The following ARHGAP24 variants were observed in gnomAD, a reference collection of about 807,000 sequenced individuals.
ARHGAP24 encodes the protein rho GTPase-activating protein 24.
A neutral mutation model predicts 76.4 loss-of-function variants in ARHGAP24; 50 were observed. The observed-to-expected ratio is 0.65, with a 90% CI of 0.52 to 0.83. The LOEUF (loss-of-function observed/expected upper bound fraction) is 0.83, where lower values mean the gene tolerates loss of function less well. ARHGAP24 is among the 40% of genes least tolerant of loss of function. The pLI, the probability that ARHGAP24 is intolerant of heterozygous loss-of-function variation, is 0.00. For synonymous variants in ARHGAP24, 345 were observed against 323.3 expected (o/e 1.07, Z -0.72); for missense variants, 930 against 914.2 (o/e 1.02, Z -0.22).
At chr4:85,848,608 G>C (rs1731027679) in intron 3 of ARHGAP24, among the ~76,000 whole-genome samples, 1 of 152,084 alleles carries the variant, frequency 6.6e-6, no homozygotes, top group Non-Finnish European at 1.5e-5. Flanking sequence ...GGTCAATATT[G>C]AGTTAATTTT....
chr4:85,512,316 T>C (rs1353324013), intron 1 of ARHGAP24, among the ~76,000 whole-genome samples: 1 of 152,238 alleles, frequency 6.6e-6, no homozygotes, highest in Admixed American at 6.5e-5. Flanking sequence ...GCCTGGCACA[T>C]AGTAAGTACA....
chr4:85,630,583 C>CAA (rs1388257011), intron 2 of ARHGAP24, among the ~76,000 whole-genome samples: 1 of 152,126 alleles, frequency 6.6e-6, no homozygotes, highest in African/African-American at 2.4e-5. Flanking sequence ...CTGGAGTCTT[C>CAA]AAATGGGCTG....
chr4:85,762,338 T>A (rs948896575), intron 3 of ARHGAP24, among the ~76,000 whole-genome samples: 2 of 152,142 alleles, frequency 1.3e-5, no homozygotes, highest in African/African-American at 4.8e-5. Flanking sequence ...GTACAGAAAA[T>A]CATATGATAC....
intron 2 of ARHGAP24, among the ~76,000 whole-genome samples, chr4:85,712,819 T>C (rs1465174298): frequency 6.6e-6 from 1 of 152,188 alleles, no homozygotes; most frequent in African/African-American, 2.4e-5. Context: ...AAAGTAATAT[T>C]TCCAGGTTTC....
At chr4:85,727,457 C>T (rs1725210967) in intron 3 of ARHGAP24, among the ~76,000 whole-genome samples, 1 of 151,998 alleles carries the variant, frequency 6.6e-6, no homozygotes, top group East Asian at 1.9e-4. Context: ...AAAGCATGTT[C>T]TAAGGCTACA....
chr4:85,795,726 G>A (rs1015395521), intron 3 of ARHGAP24, among the ~76,000 whole-genome samples: 2 of 141,754 alleles, frequency 1.4e-5, no homozygotes, highest in African/African-American at 5.3e-5. Context: ...TTCAGTTAAT[G>A]TAATATGGTA....
chr4:85,953,948 CTGACTGAGAGT>C (rs745716095), intron 5 of ARHGAP24, among the ~76,000 whole-genome samples: 71 of 152,250 alleles, frequency 4.7e-4, no homozygotes, highest in Non-Finnish European at 7.8e-4. Flanking sequence ...AGAGATCACT[CTGACTGAGAGT>C]TGGTTACAGG....
In ARHGAP24 at chr4:85,995,353, A is replaced by G. The variant is rs537865731; in HGVS notation, c.1699A>G (p.Asn567Asp). 6 of 1,614,022 alleles carry G rather than the reference A, an allele frequency of 3.7e-6. No homozygotes were observed. Among genetic ancestry groups the G allele is most frequent in the Non-Finnish European group, 5.1e-6 (6 of 1,180,008 alleles). ...CTCCTGTGAAATCTCCCTCCCTGAG[A>G]ACTCCAACTCCTGTCGCTCTTCTAC... ...TSSCEISLPE[N>D]SNSCRSSTTT... The change falls in exon 9 of 10, where the codon AAC becomes GAC. Residue 567 changes from asparagine (N) to aspartate (D), a missense_variant. Asn to Asp is a conservative substitution (Grantham distance 23). Transcript: ENST00000395184.
At chr4:85,511,122 G>T (rs1233100165) in intron 1 of ARHGAP24, among the ~76,000 whole-genome samples, 1 of 152,114 alleles carries the variant, frequency 6.6e-6, no homozygotes, top group Non-Finnish European at 1.5e-5. Context: ...CAAAAGGATA[G>T]AATTAAGCTA....
At chr4:85,611,843 CCTGT>C (rs781150530) in intron 2 of ARHGAP24, among the ~76,000 whole-genome samples, 4 of 152,154 alleles carry the variant, frequency 2.6e-5, no homozygotes, top group Non-Finnish European at 4.4e-5. Context: ...CAAACTCTAA[CCTGT>C]CTTTCTGTGG....
chr4:85,799,164 C>T (rs931106048), intron 3 of ARHGAP24, among the ~76,000 whole-genome samples: 2 of 152,230 alleles, frequency 1.3e-5, no homozygotes, highest in Middle Eastern at 3.4e-3. Flanking sequence ...GCCCCAGTAA[C>T]AGTGAGCACA....
chr4:85,619,004 C>T (rs1720623039), intron 2 of ARHGAP24, among the ~76,000 whole-genome samples: 1 of 151,994 alleles, frequency 6.6e-6, no homozygotes, highest in South Asian at 2.1e-4. Context: ...GCTTCCCTGC[C>T]TGTGCTTTTG....
intron 3 of ARHGAP24, among the ~76,000 whole-genome samples, chr4:85,867,572 A>G (rs1054166977): frequency 2.6e-5 from 4 of 151,890 alleles, no homozygotes; most frequent in Non-Finnish European, 5.9e-5. Context: ...AATAGCACAA[A>G]TTGTTTGGCT....
chr4:85,497,108 G>A (rs17010260), intron 1 of ARHGAP24, among the ~76,000 whole-genome samples: 2,439 of 152,282 alleles, frequency 0.016, 61 homozygotes, highest in African/African-American at 0.056. Flanking sequence ...CGGTTAAAAC[G>A]ATTAAACTTG....
intron 2 of ARHGAP24, among the ~76,000 whole-genome samples, chr4:85,623,300 C>T (rs1341144058): frequency 6.6e-6 from 1 of 152,122 alleles, no homozygotes; most frequent in Admixed American, 6.5e-5. Context: ...GATCCAGTTT[C>T]AGCTTTCTAC....
chr4:85,833,983 CAT>C (rs969922982), intron 3 of ARHGAP24, among the ~76,000 whole-genome samples: 6 of 152,296 alleles, frequency 3.9e-5, no homozygotes, highest in African/African-American at 1.4e-4. Context: ...TCAGTTTTCA[CAT>C]ATGTAATATT....
chr4:85,986,771 G>A (rs533545206), intron 8 of ARHGAP24, among the ~76,000 whole-genome samples: 5 of 152,108 alleles, frequency 3.3e-5, no homozygotes, highest in Non-Finnish European at 7.4e-5. Flanking sequence ...CAACTTCTGG[G>A]CCTCAAACTG....
At chr4:85,775,002 A>T (rs1727259332) in intron 3 of ARHGAP24, among the ~76,000 whole-genome samples, 1 of 152,178 alleles carries the variant, frequency 6.6e-6, no homozygotes, top group Non-Finnish European at 1.5e-5. Flanking sequence ...ATATATCGTG[A>T]TATCTTTCTG....
rs1036194715 is a variant in ARHGAP24 at position 85,580,925 on chromosome 4, A to G, written c.180+10204A>G. Among the ~76,000 whole-genome samples, 39 of 152,292 alleles carry G rather than the reference A, an allele frequency of 2.6e-4. 1 individual carries two copies. The highest frequency in any genetic ancestry group is 6.8e-3 in the Middle Eastern group (2 of 294). ...TCCAGCAACCTGTCAGAGACAATAG[A>G]ATAATTCCTATTTAACATCTCATTA... On this transcript the variant is annotated intron_variant, in intron 2 of 9. Coordinates refer to ENST00000395184, the MANE Select transcript of ARHGAP24 (RefSeq NM_001025616.3).
Sources: allele counts gnomAD v4.1 joint callset (sites outside exome capture counted in the v4.1 genomes callset), GRCh38; gene constraint gnomAD v4.1.1; transcripts MANE v1.5; gene names NCBI Gene and HGNC (gene_info 2026-07-23, HGNC 2026-07-21).